AMPH: variants seen among roughly 807,000 people sequenced by gnomAD.
AMPH encodes the protein amphiphysin, also known as amphiphysin (Stiff-Mann syndrome with breast cancer 128kD autoantigen).
Under a neutral mutation model 99.1 loss-of-function variants are expected in AMPH, and 49 were observed. The observed-to-expected ratio is 0.49, with a 90% CI of 0.39 to 0.63. AMPH has a LOEUF of 0.63. Among genes scored for constraint, AMPH ranks in the 20% least tolerant of loss-of-function variants. The pLI, the probability that AMPH is intolerant of heterozygous loss-of-function variation, is 0.00. For missense variants in AMPH, 759 were observed against 863.4 expected, an observed-to-expected ratio of 0.88 and a Z score of 1.52; for synonymous variants, 314 against 317.3, an observed-to-expected ratio of 0.99 and a Z score of 0.11.
chr7:38,550,873 G>A (rs1791157648), intron 1 of AMPH, among the ~76,000 whole-genome samples: 1 of 152,148 alleles, frequency 6.6e-6, no homozygotes, highest in Admixed American at 6.5e-5. Flanking sequence ...ATCTCCACAG[G>A]AAGTGGAATC....
chr7:38,579,129 T>C (rs1792353785), intron 1 of AMPH, among the ~76,000 whole-genome samples: 1 of 152,244 alleles, frequency 6.6e-6, no homozygotes, highest in Non-Finnish European at 1.5e-5. Flanking sequence ...ACTACAACTC[T>C]AAGCCAACTA....
At chr7:38,414,729 G>A (rs979933733) in intron 17 of AMPH, among the ~76,000 whole-genome samples, 4 of 151,906 alleles carry the variant, frequency 2.6e-5, no homozygotes, top group Admixed American at 1.3e-4. Context: ...CAATGGTTAA[G>A]ATCTCAGCTC....
Position 38,491,064 on chromosome 7 carries a change from A to G in AMPH, c.382T>C (p.Phe128Leu). The change falls in exon 5 of 21, where the codon TTT (phenylalanine) becomes CTT (leucine). Residue 128 changes from phenylalanine to leucine, a missense_variant. Transcript: ENST00000356264. ...GAGTAAAATACCTTTATGTCAGGAAATTGCCCCAGGTAGGTATCCAGTGTT... is the reference window on the plus strand; with the variant it reads ...GAGTAAAATACCTTTATGTCAGGAAGTTGCCCCAGGTAGGTATCCAGTGTT... ...LLTLDTYLGQFPDIKNRIAKR... is the reference protein window; with the variant it reads ...LLTLDTYLGQLPDIKNRIAKR... The G allele has an allele frequency of 6.2e-7, 1 of 1,610,906 alleles. No homozygotes were observed. The highest frequency in any genetic ancestry group is 8.5e-7 in the Non-Finnish European group (1 of 1,177,236).
intron 11 of AMPH, among the ~76,000 whole-genome samples, chr7:38,458,802 A>G (rs1787331791): frequency 6.6e-6 from 1 of 152,048 alleles, no homozygotes; most frequent in African/African-American, 2.4e-5. Context: ...GAACAAGATA[A>G]GGAACAAGAT....
intron 7 of AMPH, among the ~76,000 whole-genome samples, chr7:38,473,235 G>A (rs576121059): frequency 9.9e-5 from 15 of 152,100 alleles, no homozygotes; most frequent in Non-Finnish European, 1.5e-4. Flanking sequence ...TCCTTTACAG[G>A]GGAAATAAAA....
At position 38,461,387 on chromosome 7, in the gene AMPH, G is replaced by T. The variant is rs755704877; in HGVS notation, c.913C>A (p.Pro305Thr). 6.8e-6 allele frequency: 11 copies of T among 1,614,052 alleles called. No individual in the cohort carries two copies. Among genetic ancestry groups the T allele is most frequent in the Non-Finnish European group, 8.5e-6 (10 of 1,179,994 alleles). Reference protein sequence around the residue: ...SQTRKGPPVPPLPKVTPTKEL... With the variant: ...SQTRKGPPVPTLPKVTPTKEL... Reference sequence around the variant, plus strand: ...TTTGTCGGGGTGACTTTAGGTAGAGGTGGGACAGGAGGCCCTTTCCTTGTC... The same window carrying T: ...TTTGTCGGGGTGACTTTAGGTAGAGTTGGGACAGGAGGCCCTTTCCTTGTC... Residue 305 changes from proline to threonine, a missense_variant, in exon 11 of 21, where the codon CCT becomes ACT. Pro to Thr is a conservative substitution (Grantham distance 38). Transcript: ENST00000356264.
chr7:38,560,182 A>G (rs984686470), intron 1 of AMPH, among the ~76,000 whole-genome samples: 2 of 152,168 alleles, frequency 1.3e-5, no homozygotes, highest in African/African-American at 4.8e-5. Flanking sequence ...TTAACAAACT[A>G]TAGGCAAGCG....
intron 16 of AMPH, chr7:38,421,005 C>A (rs767791920): frequency 4.4e-6 from 2 of 456,620 alleles, no homozygotes; most frequent in South Asian, 3.1e-5. Context: ...GACATCAGTT[C>A]ACTGTGATTT....
At chr7:38,515,321 T>C (rs1409747675) in intron 2 of AMPH, among the ~76,000 whole-genome samples, 1 of 152,206 alleles carries the variant, frequency 6.6e-6, no homozygotes, top group Non-Finnish European at 1.5e-5. Flanking sequence ...TGTTGGGAGA[T>C]GACTGGATCA....
At chr7:38,620,658 G>C (rs1298803194) in intron 1 of AMPH, among the ~76,000 whole-genome samples, 1 of 151,114 alleles carries the variant, frequency 6.6e-6, no homozygotes, top group Non-Finnish European at 1.5e-5. Context: ...AAAGACAAAA[G>C]CATCTTTATA....
At chr7:38,577,359 C>T (rs1236204567) in intron 1 of AMPH, among the ~76,000 whole-genome samples, 1 of 152,158 alleles carries the variant, frequency 6.6e-6, no homozygotes, top group Non-Finnish European at 1.5e-5. Flanking sequence ...AGTTCTCATA[C>T]GAGTCTTCGC....
intron 1 of AMPH, among the ~76,000 whole-genome samples, chr7:38,557,628 C>T (rs184538476): frequency 6.6e-6 from 1 of 152,252 alleles, no homozygotes; most frequent in Admixed American, 6.5e-5. Context: ...GTTTCCCAGT[C>T]TCTGGTATGT....
At chr7:38,473,115 C>G (rs1467211015) in intron 7 of AMPH, among the ~76,000 whole-genome samples, 1 of 152,180 alleles carries the variant, frequency 6.6e-6, no homozygotes, top group Non-Finnish European at 1.5e-5. Context: ...CTGGCAATTT[C>G]CCAGGGGTAT....
At chr7:38,426,744 T>C (rs547460035) in intron 15 of AMPH, among the ~76,000 whole-genome samples, 1 of 152,336 alleles carries the variant, frequency 6.6e-6, no homozygotes, top group East Asian at 1.9e-4. Flanking sequence ...GGCTAAACAC[T>C]CTGTTGCATA....
chr7:38,391,203 C>T (rs1784483125), intron 19 of AMPH, among the ~76,000 whole-genome samples: 1 of 152,182 alleles, frequency 6.6e-6, no homozygotes, highest in African/African-American at 2.4e-5. Flanking sequence ...TTTATGAAGG[C>T]TCTAAGTAGC....
chr7:38,604,478 G>A (rs762275141), intron 1 of AMPH, among the ~76,000 whole-genome samples: 3 of 152,200 alleles, frequency 2.0e-5, no homozygotes, highest in Non-Finnish European at 4.4e-5. Context: ...ATGAGGACGA[G>A]CACACACTGC....
chr7:38,444,734 C>T (rs1786690795), intron 11 of AMPH, among the ~76,000 whole-genome samples: 2 of 151,600 alleles, frequency 1.3e-5, no homozygotes, highest in African/African-American at 2.4e-5. Flanking sequence ...ATTTAAGCCA[C>T]TCAGTTGTGG....
intron 2 of AMPH, among the ~76,000 whole-genome samples, chr7:38,515,317 G>T (rs1789696481): frequency 6.6e-6 from 1 of 152,314 alleles, no homozygotes; most frequent in South Asian, 2.1e-4. Flanking sequence ...GACCTGTTGG[G>T]AGATGACTGG....
intron 1 of AMPH, among the ~76,000 whole-genome samples, chr7:38,539,121 G>C (rs375344812): frequency 6.6e-6 from 1 of 152,182 alleles, no homozygotes; most frequent in African/African-American, 2.4e-5. Flanking sequence ...GGGACCCAGA[G>C]GTATGGTCAA....
Sources: gnomAD v4.1 joint callset for allele counts (sites outside exome capture counted in the v4.1 genomes callset) on GRCh38, gnomAD v4.1.1 for gene constraint, MANE v1.5 for transcripts, NCBI Gene and HGNC (gene_info 2026-07-23, HGNC 2026-07-21) for gene names.